The following CFAP61 variants were observed in gnomAD, a reference collection of about 807,000 sequenced individuals.
CFAP61 encodes cilia and flagella associated protein 61, also known as cilia- and flagella-associated protein 61.
CFAP61 carries 107 observed loss-of-function variants against 135.6 expected under a neutral mutation model. The observed-to-expected ratio is 0.79, with a 90% CI of 0.67 to 0.93. The LOEUF is 0.93. CFAP61 is among the 40% of genes least tolerant of loss of function. The pLI, the probability that CFAP61 is intolerant of heterozygous loss-of-function variation, is 0.00. For missense variants in CFAP61, 1,507 were observed against 1,556.2 expected (o/e 0.97, Z 0.53); for synonymous variants, 575 against 578.5 (o/e 0.99, Z 0.09).
rs991116338 is a variant in CFAP61 at position 20,091,039 on chromosome 20, G to A, written c.699+63G>A. Reference sequence around the variant, plus strand: ...AGGAAGGAGGGATGTGAGTGGTGTTGCTCTTGCGTTGCTGGGCACCCCTGG... The same window carrying A: ...AGGAAGGAGGGATGTGAGTGGTGTTACTCTTGCGTTGCTGGGCACCCCTGG... On this transcript the variant is annotated intron_variant, in intron 7 of 26. Coordinates refer to ENST00000245957, the MANE Select transcript of CFAP61 (RefSeq NM_015585.4). 3.2e-5 allele frequency: 51 copies of A among 1,579,994 alleles called. No individual in the cohort carries two copies. In the Admixed American group the frequency reaches 8.3e-4, roughly 26 times the overall value.
intron 22 of CFAP61, among the ~76,000 whole-genome samples, chr20:20,280,147 A>G (rs181915817): frequency 1.2e-4 from 18 of 152,282 alleles, no homozygotes; most frequent in Admixed American, 2.0e-4. Flanking sequence ...TCCTGGATCA[A>G]GGTTGGCCCT....
chr20:20,341,678 T>C (rs568880563), intron 25 of CFAP61, among the ~76,000 whole-genome samples, 153 bp from the exon 26 acceptor site: 2 of 152,332 alleles, frequency 1.3e-5, no homozygotes, highest in South Asian at 2.1e-4. Context: ...ATTTAAAAAA[T>C]TGATTGGTCA....
chr20:20,154,025 T>TTG (rs2052671154), intron 9 of CFAP61, among the ~76,000 whole-genome samples: 1 of 151,952 alleles, frequency 6.6e-6, no homozygotes, highest in Non-Finnish European at 1.5e-5. Flanking sequence ...ATCAAGTGGG[T>TTG]TTCATACCAG....
At chr20:20,162,255 T>A (rs551340644) in intron 10 of CFAP61, among the ~76,000 whole-genome samples, 7 of 152,262 alleles carry the variant, frequency 4.6e-5, no homozygotes, top group African/African-American at 1.7e-4. Context: ...GAGCATCTCC[T>A]CATCATAGAA....
chr20:20,334,215 C>T (rs1418296349), intron 25 of CFAP61, among the ~76,000 whole-genome samples: 1 of 152,208 alleles, frequency 6.6e-6, no homozygotes, highest in Non-Finnish European at 1.5e-5. Context: ...CAACCTCTGC[C>T]TCCCGGATTC....
At chr20:20,306,500 A>G (rs1231427556) in intron 25 of CFAP61, among the ~76,000 whole-genome samples, 2 of 152,232 alleles carry the variant, frequency 1.3e-5, no homozygotes, top group African/African-American at 4.8e-5. Flanking sequence ...AGTGCCCGTC[A>G]ATGAATGAAA....
At chr20:20,245,767 T>C (rs535737194) in intron 18 of CFAP61, among the ~76,000 whole-genome samples, 2 of 152,258 alleles carry the variant, frequency 1.3e-5, no homozygotes, top group Non-Finnish European at 2.9e-5. Flanking sequence ...GCGATTGTTA[T>C]GCTTCCAAGC....
chr20:20,256,282 T>G (rs2051559817), intron 20 of CFAP61, among the ~76,000 whole-genome samples: 1 of 152,220 alleles, frequency 6.6e-6, no homozygotes, highest in Admixed American at 6.5e-5. Context: ...AGTGTGAGTT[T>G]GCTGAACAGC....
At chr20:20,209,715 G>A (rs2047494470) in intron 17 of CFAP61, among the ~76,000 whole-genome samples, 1 of 152,150 alleles carries the variant, frequency 6.6e-6, no homozygotes, top group South Asian at 2.1e-4. Flanking sequence ...GTCCATTTGG[G>A]AGATTTCTTC....
chr20:20,106,266 C>T (rs2048402240), intron 8 of CFAP61, among the ~76,000 whole-genome samples: 1 of 151,878 alleles, frequency 6.6e-6, no homozygotes, highest in Admixed American at 6.6e-5. Flanking sequence ...GGGACATGAC[C>T]CCAAAGCCAT....
intron 13 of CFAP61, 68 bp downstream of exon 13, chr20:20,169,528 C>T: frequency 7.6e-7 from 1 of 1,315,786 alleles, no homozygotes; most frequent in Non-Finnish European, 1.0e-6. Flanking sequence ...ACAAGGAACT[C>T]CCTGCTATTA....
At position 20,161,222 on chromosome 20, in the gene CFAP61, G is replaced by A. The variant is rs111901121; in HGVS notation, c.1026+1778G>A. ...CTCTAATATTCCTAAGAGGGTAGCC[G>A]TTCCGTTATGAACCCAAGCAAGGAT... On this transcript the variant is annotated intron_variant, in intron 10 of 26. Transcript: ENST00000245957. 6.8e-3 allele frequency among the ~76,000 whole-genome samples: 1,034 copies of A among 152,234 alleles called. 5 individuals carry two copies. The highest frequency in any genetic ancestry group is 0.01 in the Non-Finnish European group (686 of 68,016).
intron 18 of CFAP61, among the ~76,000 whole-genome samples, chr20:20,245,743 A>G (rs568390147): frequency 5.3e-5 from 8 of 152,360 alleles, no homozygotes; most frequent in African/African-American, 1.9e-4. Context: ...GGAAGCAGTC[A>G]TCAGGGTTAA....
intron 6 of CFAP61, among the ~76,000 whole-genome samples, chr20:20,078,706 C>T (rs1287770917): frequency 6.6e-6 from 1 of 151,838 alleles, no homozygotes; most frequent in South Asian, 2.1e-4. Context: ...ATAATGAAAA[C>T]TAGAAGAGAG....
chr20:20,234,820 G>T (rs1261592575), intron 18 of CFAP61, among the ~76,000 whole-genome samples: 1 of 152,060 alleles, frequency 6.6e-6, no homozygotes, highest in Non-Finnish European at 1.5e-5. Context: ...GAGGGCCCAG[G>T]AGAGTGATTC....
chr20:20,285,490 T>G (rs1350993526), intron 22 of CFAP61, among the ~76,000 whole-genome samples: 2 of 152,170 alleles, frequency 1.3e-5, no homozygotes, highest in Non-Finnish European at 2.9e-5. Flanking sequence ...TCAGTCTCTT[T>G]TTTCTCTTTC....
At chr20:20,224,939 C>A (rs955336589) in intron 17 of CFAP61, among the ~76,000 whole-genome samples, 20 of 152,164 alleles carry the variant, frequency 1.3e-4, no homozygotes, top group African/African-American at 4.8e-4. Flanking sequence ...TTTTTACTTT[C>A]TATGAAGGAA....
At chr20:20,203,925 C>A (rs1326580916) in intron 17 of CFAP61, among the ~76,000 whole-genome samples, 1 of 152,120 alleles carries the variant, frequency 6.6e-6, no homozygotes, top group African/African-American at 2.4e-5. Flanking sequence ...CCTGTTTCTG[C>A]AGAATTCCTG....
At chr20:20,227,795 T>C (rs2048848273) in intron 17 of CFAP61, among the ~76,000 whole-genome samples, 1 of 152,226 alleles carries the variant, frequency 6.6e-6, no homozygotes, top group Non-Finnish European at 1.5e-5. Flanking sequence ...GAATTGAACA[T>C]GAGCTAAAAC....
Sources: gnomAD v4.1 joint callset for allele counts (sites outside exome capture counted in the v4.1 genomes callset) on GRCh38, gnomAD v4.1.1 for gene constraint, MANE v1.5 for transcripts, NCBI Gene and HGNC (gene_info 2026-07-23, HGNC 2026-07-21) for gene names.